The following UBP1 variants were observed in gnomAD, a reference collection of about 807,000 sequenced individuals.
UBP1 encodes upstream binding protein 1.
A neutral mutation model predicts 76.1 loss-of-function variants in UBP1; 22 were observed. That is an observed-to-expected ratio of 0.29 (90% CI 0.21 to 0.41). The LOEUF is 0.41. Among genes scored for constraint, UBP1 ranks in the 10% least tolerant of loss-of-function variants. The probability of loss-of-function intolerance (pLI) is 1.00; values close to 1 mark genes in which losing one functional copy is unlikely to be tolerated. For synonymous variants in UBP1, 224 were observed against 237.1 expected, an observed-to-expected ratio of 0.94 and a Z score of 0.51; for missense variants, 436 against 668.1, an observed-to-expected ratio of 0.65 and a Z score of 3.83.
intron 1 of UBP1, among the ~76,000 whole-genome samples, chr3:33,435,420 A>G (rs1347925328): frequency 6.6e-6 from 1 of 152,198 alleles, no homozygotes; most frequent in Non-Finnish European, 1.5e-5. Context: ...GAAAATATAA[A>G]TCAAAGATAA....
chr3:33,421,414 A>G (rs1336612057), intron 2 of UBP1, among the ~76,000 whole-genome samples: 1 of 152,170 alleles, frequency 6.6e-6, no homozygotes, highest in Non-Finnish European at 1.5e-5. Context: ...CTGGGACTAC[A>G]GGCGTGCGCC....
intron 1 of UBP1, among the ~76,000 whole-genome samples, chr3:33,437,710 T>G (rs892120221): frequency 1.5e-4 from 23 of 152,194 alleles, no homozygotes; most frequent in African/African-American, 2.4e-5. Flanking sequence ...GACTGAATGC[T>G]CAAGCTGGCC....
intron 1 of UBP1, among the ~76,000 whole-genome samples, chr3:33,436,163 T>A: frequency 6.6e-6 from 1 of 152,230 alleles, no homozygotes; most frequent in East Asian, 1.9e-4. Context: ...ATAGTGTACA[T>A]TACCATGTGC....
intron 1 of UBP1, among the ~76,000 whole-genome samples, 194 bp downstream of exon 1, chr3:33,439,542 C>T (rs1025495289): frequency 2.3e-4 from 35 of 152,376 alleles, no homozygotes; most frequent in Admixed American, 1.2e-3. Flanking sequence ...CCATCCTCCC[C>T]CACCCGCCCG....
chr3:33,396,994 G>A (rs746998490), intron 12 of UBP1, 51 bp downstream of exon 12: 27 of 1,526,946 alleles, frequency 1.8e-5, no homozygotes, highest in African/African-American at 9.6e-5. Flanking sequence ...AATTCCCCAC[G>A]CGAAGAAAGG....
chr3:33,408,859 CCT>C, intron 7 of UBP1, 62 bp from the exon 8 acceptor site: 1 of 1,376,008 alleles, frequency 7.3e-7, no homozygotes, highest in Admixed American at 1.8e-5. Context: ...GATCTAACAC[CCT>C]GTTTCATGTC....
chr3:33,403,580 G>GTCTATCTATCTATCTA (rs1422365561), intron 8 of UBP1: 28 of 147,154 alleles, frequency 1.9e-4, no homozygotes, highest in African/African-American at 6.6e-4. Context: ...CTGTCTGTCT[G>GTCTATCTATCTATCTA]TCTGTCTATC....
intron 2 of UBP1, among the ~76,000 whole-genome samples, chr3:33,423,139 A>C (rs1249827577): frequency 2.0e-5 from 3 of 151,494 alleles, no homozygotes; most frequent in Non-Finnish European, 4.4e-5. Context: ...CCTCGGGTTC[A>C]AGTGATTCTC....
At chr3:33,424,454 T>C (rs940864705) in intron 2 of UBP1, among the ~76,000 whole-genome samples, 1 of 152,216 alleles carries the variant, frequency 6.6e-6, no homozygotes, top group African/African-American at 2.4e-5. Context: ...ATAAACACTA[T>C]ATACTCAAGT....
Position 33,408,811 on chromosome 3 carries a change from A to AC in UBP1, c.820-15_820-14insG. On this transcript the variant is annotated splice_polypyrimidine_tract_variant and intron_variant, in intron 7 of 15. Coordinates refer to ENST00000283629, the MANE Select transcript of UBP1 (RefSeq NM_014517.5). The stretch of plus-strand genomic sequence containing the variant: ...CTCAAGCCTCATCTGGACAAACACC[A>AC]AAGATTGGGATCAATGTCTTTTCAT... 6.2e-7 allele frequency: 1 copy of AC among 1,602,364 alleles called. No homozygotes were observed. The highest frequency in any genetic ancestry group is 2.2e-5 in the East Asian group (1 of 44,804).
At chr3:33,401,999 A>G (rs1310687302) in intron 9 of UBP1, among the ~76,000 whole-genome samples, 1 of 149,590 alleles carries the variant, frequency 6.7e-6, no homozygotes, top group East Asian at 1.9e-4. Flanking sequence ...CAGTTTATCC[A>G]TCTCCTCAGG....
At chr3:33,392,720 T>G (rs1234702665) in intron 14 of UBP1, 106 bp from the exon 15 acceptor site, 2 of 1,032,814 alleles carry the variant, frequency 1.9e-6, no homozygotes, top group Non-Finnish European at 1.4e-6. Context: ...CAGGACTCAA[T>G]GGCCAAAACG....
chr3:33,397,669 A>AAC (rs1457762685), intron 11 of UBP1: 2 of 152,154 alleles, frequency 1.3e-5, no homozygotes, highest in Admixed American at 6.5e-5. Context: ...TTATAACATA[A>AAC]ACAACTCTGT....
Position 33,407,862 on chromosome 3 carries a change from T to C in UBP1, c.927+828A>G, listed in dbSNP as rs547128657. Among the ~76,000 whole-genome samples the C allele has an allele frequency of 1.2e-4, 18 of 152,360 alleles. No individual in the cohort carries two copies. The East Asian group carries it at 3.5e-3, about 29-fold the overall frequency. ...TTTTAAATGATTCTTTAATGTTCTGTGTTTATATTTACTGAAGGTATGTAG... is the reference window on the plus strand; with the variant it reads ...TTTTAAATGATTCTTTAATGTTCTGCGTTTATATTTACTGAAGGTATGTAG... On this transcript the variant is annotated intron_variant, in intron 8 of 15. Coordinates refer to ENST00000283629, the MANE Select transcript of UBP1 (RefSeq NM_014517.5).
chr3:33,439,063 C>A (rs1332156198), intron 1 of UBP1, among the ~76,000 whole-genome samples: 1 of 152,166 alleles, frequency 6.6e-6, no homozygotes, highest in Non-Finnish European at 1.5e-5. Flanking sequence ...TTCAATCTCT[C>A]CATATTAAAA....
At chr3:33,390,402 C>G (rs770186914) in intron 15 of UBP1, 34 bp from the exon 16 acceptor site, 4 of 1,613,654 alleles carry the variant, frequency 2.5e-6, no homozygotes, top group Non-Finnish European at 3.4e-6. Context: ...TTTCTTCAGT[C>G]AGGCTTAGGA....
intron 3 of UBP1, among the ~76,000 whole-genome samples, chr3:33,413,873 G>A (rs2044661348): frequency 1.3e-5 from 2 of 152,166 alleles, no homozygotes; most frequent in South Asian, 4.1e-4. Flanking sequence ...ATGGTGCATA[G>A]GCTAGTGGTG....
chr3:33,436,333 T>C (rs1036090287), intron 1 of UBP1, among the ~76,000 whole-genome samples: 6 of 152,214 alleles, frequency 3.9e-5, no homozygotes, highest in South Asian at 2.1e-4. Context: ...TGTTGTACAA[T>C]AGATTTCTTA....
chr3:33,437,717 G>C (rs1354042861), intron 1 of UBP1, among the ~76,000 whole-genome samples: 4 of 152,156 alleles, frequency 2.6e-5, no homozygotes, highest in Non-Finnish European at 4.4e-5. Context: ...TGCTCAAGCT[G>C]GCCATTCATA....
Sources: allele counts gnomAD v4.1 joint callset (sites outside exome capture counted in the v4.1 genomes callset), GRCh38; gene constraint gnomAD v4.1.1; transcripts MANE v1.5; gene names NCBI Gene and HGNC (gene_info 2026-07-23, HGNC 2026-07-21).